Variants in MAN1C1 observed in about 807,000 individuals in gnomAD.
The protein encoded by MAN1C1 is mannosidase alpha class 1C member 1.
In MAN1C1, 49 loss-of-function variants were observed where a neutral mutation model predicts 71.5. The ratio of observed to expected loss-of-function variants is 0.69; its 90% CI spans 0.54 to 0.87. MAN1C1 has a LOEUF of 0.87. Ranked by LOEUF, MAN1C1 falls within the 40% of genes least tolerant of loss-of-function variation. The pLI is 0.00. For missense variants in MAN1C1, 743 were observed against 835.0 expected (o/e 0.89, Z 1.36); for synonymous variants, 352 against 343.7 (o/e 1.02, Z -0.27).
chr1:25,663,582 G>A (rs1007019933), intron 1 of MAN1C1, among the ~76,000 whole-genome samples: 2 of 152,178 alleles, frequency 1.3e-5, no homozygotes, highest in African/African-American at 4.8e-5. Flanking sequence ...GGCCTCAGTT[G>A]GCTGTGGGTA....
chr1:25,727,741 G>T (rs576792863), intron 2 of MAN1C1, among the ~76,000 whole-genome samples: 2 of 152,326 alleles, frequency 1.3e-5, no homozygotes, highest in Non-Finnish European at 1.5e-5. Flanking sequence ...TTAGGAGCGG[G>T]GTACAGGCTG....
At position 25,727,316 on chromosome 1, in the gene MAN1C1, C is replaced by T. The variant is rs532124261; in HGVS notation, c.638-19352C>T. Among the ~76,000 whole-genome samples the T allele has an allele frequency of 6.6e-5, 10 of 152,288 alleles. No individual in the cohort carries two copies. In the East Asian group the frequency reaches 1.4e-3, roughly 21 times the overall value. ...GGAAATGGATACTTCATGTCCTTGT[C>T]GTAGTCCAGGGCACTGGTGGTATTT... On this transcript the variant is annotated intron_variant, in intron 2 of 11. Transcript: ENST00000374332.
chr1:25,673,569 A>C (rs192105873), intron 1 of MAN1C1, among the ~76,000 whole-genome samples: 1 of 152,336 alleles, frequency 6.6e-6, no homozygotes, highest in East Asian at 1.9e-4. Context: ...CAGTATCATT[A>C]TTTTTACACA....
chr1:25,744,292 A>G (rs1244253731), intron 2 of MAN1C1, among the ~76,000 whole-genome samples: 1 of 152,136 alleles, frequency 6.6e-6, no homozygotes, highest in African/African-American at 2.4e-5. Context: ...CAGCCCTGCC[A>G]CCTACAGGGG....
At chr1:25,670,628 TG>T (rs2045981272) in intron 1 of MAN1C1, among the ~76,000 whole-genome samples, 1 of 152,336 alleles carries the variant, frequency 6.6e-6, no homozygotes, top group Non-Finnish European at 1.5e-5. Flanking sequence ...CCAGAGGTGC[TG>T]GGTCTATGTC....
rs2045373807 is a variant in MAN1C1, at chr1:25,631,144, T to C, written c.540+12807T>C. On this transcript the variant is annotated intron_variant, in intron 1 of 11. Coordinates refer to ENST00000374332, the MANE Select transcript of MAN1C1 (RefSeq NM_020379.4). The surrounding 1 kb of genome is among the most constrained non-coding windows in gnomAD (Gnocchi z 4.2). ...CACGCCTGGTTAATTTTTTTTGTAT[T>C]TTTAGAAGAGACGGGGTTTTGCCAT... Among the ~76,000 whole-genome samples, 1 of 152,092 alleles carries C rather than the reference T, an allele frequency of 6.6e-6. No individual in the cohort carries two copies. Among genetic ancestry groups the C allele is most frequent in the Non-Finnish European group, 1.5e-5 (1 of 68,020 alleles).
At chr1:25,628,394 G>A (rs1190431056) in intron 1 of MAN1C1, among the ~76,000 whole-genome samples, 1 of 151,980 alleles carries the variant, frequency 6.6e-6, no homozygotes, top group Non-Finnish European at 1.5e-5. Flanking sequence ...TGCAAACTCC[G>A]CCTCCCGGGT....
chr1:25,714,443 G>T (rs1042632821), intron 2 of MAN1C1, among the ~76,000 whole-genome samples: 1 of 152,100 alleles, frequency 6.6e-6, no homozygotes, highest in African/African-American at 2.4e-5. Flanking sequence ...TTGCAGTAAG[G>T]CCTCTGAGAA....
intron 1 of MAN1C1, among the ~76,000 whole-genome samples, chr1:25,681,140 C>T (rs765159839): frequency 1.8e-4 from 28 of 151,434 alleles, no homozygotes; most frequent in Non-Finnish European, 4.1e-4. Flanking sequence ...GCAGGAGAAT[C>T]GCTTGAACCC....
intron 2 of MAN1C1, among the ~76,000 whole-genome samples, chr1:25,737,794 A>G (rs1162617537): frequency 1.3e-5 from 2 of 152,158 alleles, no homozygotes; most frequent in African/African-American, 4.8e-5. Flanking sequence ...AAGGCCAGAA[A>G]GATGAGTAGG....
At chr1:25,658,514 C>T (rs1295033776) in intron 1 of MAN1C1, among the ~76,000 whole-genome samples, 1 of 152,054 alleles carries the variant, frequency 6.6e-6, no homozygotes. Flanking sequence ...ACAGTGGCAC[C>T]ATCTCAGCTC....
chr1:25,673,452 C>T (rs1032059402), intron 1 of MAN1C1, among the ~76,000 whole-genome samples: 1 of 152,078 alleles, frequency 6.6e-6, no homozygotes, highest in African/African-American at 2.4e-5. Context: ...GTTTCCTTAC[C>T]TGAAAATGAG....
intron 1 of MAN1C1, among the ~76,000 whole-genome samples, chr1:25,677,843 CT>C (rs1284888890): frequency 1.4e-5 from 2 of 142,934 alleles, no homozygotes; most frequent in Non-Finnish European, 3.0e-5. Flanking sequence ...CTGTAAAGAC[CT>C]CCTTTTTTTT....
intron 8 of MAN1C1, 110 bp downstream of exon 8, chr1:25,771,882 C>T: frequency 1.3e-6 from 1 of 769,944 alleles, no homozygotes; most frequent in South Asian, 1.6e-5. Flanking sequence ...GAGACTTGCT[C>T]CCACCCCCTG....
Position 25,746,646 on chromosome 1 carries a change from C to T in MAN1C1, c.638-22C>T, listed in dbSNP as rs1439473754. ...AGAGAAAGATGGCCCTGGGTCACAC[C>T]CTCAATGCTCTGTGCCTGCAGGAGG... On this transcript the variant is annotated intron_variant, in intron 2 of 11. Transcript: ENST00000374332. This position sits in a 1 kb window ranked among gnomAD's most constrained non-coding sequence, Gnocchi z 4.0. 2 of 1,568,496 alleles carry T rather than the reference C, an allele frequency of 1.3e-6. No individual in the cohort carries two copies. Among genetic ancestry groups the T allele is most frequent in the Admixed American group, 1.7e-5 (1 of 59,624 alleles).
At chr1:25,680,341 G>T (rs372123136) in intron 1 of MAN1C1, among the ~76,000 whole-genome samples, 1 of 152,140 alleles carries the variant, frequency 6.6e-6, no homozygotes, top group Non-Finnish European at 1.5e-5. Flanking sequence ...GGGATTACAC[G>T]TGTGAGCCAC....
At position 25,618,046 on chromosome 1, in the gene MAN1C1, C is replaced by G. The variant is rs2045135267; in HGVS notation, c.249C>G (p.Asn83Lys). 8.3e-6 allele frequency: 13 copies of G among 1,572,870 alleles called. No individual in the cohort carries two copies. The highest frequency in any genetic ancestry group is 9.5e-6 in the Non-Finnish European group (11 of 1,163,780). The change falls in exon 1 of 12, where the codon AAC becomes AAG. Residue 83 changes from asparagine to lysine, a missense_variant. Asn to Lys is a moderately conservative substitution (Grantham distance 94). Transcript: ENST00000374332. ...CCCGCGAGCAGGAGCCGCCTCCCAA[C>G]CCGGCCCCCGCCGCGCCGGCCCCGG... ...APAREQEPPP[N>K]PAPAAPAPGE... is the part of the protein sequence containing the mutation.
At chr1:25,733,593 C>T (rs1194229854) in intron 2 of MAN1C1, among the ~76,000 whole-genome samples, 8 of 152,200 alleles carry the variant, frequency 5.3e-5, no homozygotes, top group African/African-American at 1.9e-4. Flanking sequence ...GCATCACACA[C>T]GTTACATTTA....
chr1:25,674,019 T>C (rs1488129657), intron 1 of MAN1C1, among the ~76,000 whole-genome samples: 1 of 152,224 alleles, frequency 6.6e-6, no homozygotes, highest in African/African-American at 2.4e-5. Flanking sequence ...GCTGTCTTCC[T>C]GCCCCCACCT....
Sources: allele counts gnomAD v4.1 joint callset (sites outside exome capture counted in the v4.1 genomes callset), GRCh38; gene constraint gnomAD v4.1.1; non-coding constraint Gnocchi (gnomAD v3.1); transcripts MANE v1.5; gene names NCBI Gene and HGNC (gene_info 2026-07-23, HGNC 2026-07-21).